The following DLG2 variants were observed in gnomAD, a reference collection of about 807,000 sequenced individuals.
DLG2 encodes disks large homolog 2.
DLG2 carries 45 observed loss-of-function variants against 132.5 expected under a neutral mutation model. That is an observed-to-expected ratio of 0.34 (90% CI 0.27 to 0.44). The LOEUF (loss-of-function observed/expected upper bound fraction) is 0.44, where lower values mean the gene tolerates loss of function less well. Ranked by LOEUF, DLG2 falls within the 20% of genes least tolerant of loss-of-function variation. The pLI is 1.00. For synonymous variants in DLG2, 424 were observed against 419.6 expected, an observed-to-expected ratio of 1.01 and a Z score of -0.13; for missense variants, 1,045 against 1,196.9, an observed-to-expected ratio of 0.87 and a Z score of 1.87.
At chr11:83,587,722 T>G (rs1216801400) in intron 19 of DLG2, among the ~76,000 whole-genome samples, 3 of 152,300 alleles carry the variant, frequency 2.0e-5, no homozygotes, top group Admixed American at 6.5e-5. Flanking sequence ...CATTTCCATC[T>G]GAGGTACCGG....
At chr11:83,861,279 G>A (rs1293512521) in intron 16 of DLG2, among the ~76,000 whole-genome samples, 1 of 152,140 alleles carries the variant, frequency 6.6e-6, no homozygotes, top group Non-Finnish European at 1.5e-5. Flanking sequence ...CATTGTTGGT[G>A]GGAATGTAAA....
intron 6 of DLG2, among the ~76,000 whole-genome samples, chr11:84,594,065 T>C (rs886784373): frequency 1.3e-5 from 2 of 152,266 alleles, no homozygotes; most frequent in East Asian, 1.9e-4. Context: ...GTGCAAATAA[T>C]GATGTATCTT....
At chr11:83,504,269 GT>G (rs2094585885) in intron 21 of DLG2, among the ~76,000 whole-genome samples, 1 of 152,050 alleles carries the variant, frequency 6.6e-6, no homozygotes, top group East Asian at 1.9e-4. Flanking sequence ...GCAGGTCATG[GT>G]TTTTTTCCTG....
intron 11 of DLG2, among the ~76,000 whole-genome samples, chr11:84,045,229 G>A (rs577953714): frequency 1.3e-4 from 19 of 151,582 alleles, no homozygotes; most frequent in African/African-American, 4.1e-4. Flanking sequence ...ATCTATATGT[G>A]CTGGGTAACA....
At chr11:85,157,121 A>G (rs1259911142) in intron 4 of DLG2, among the ~76,000 whole-genome samples, 1 of 152,184 alleles carries the variant, frequency 6.6e-6, no homozygotes, top group Non-Finnish European at 1.5e-5. Flanking sequence ...CTCCCAGCCT[A>G]CATCCTTCTC....
chr11:84,170,302 C>T (rs2095791459), intron 8 of DLG2, among the ~76,000 whole-genome samples: 1 of 152,118 alleles, frequency 6.6e-6, no homozygotes, highest in African/African-American at 2.4e-5. Context: ...AACTTAAATA[C>T]TGAATAAATT....
intron 6 of DLG2, among the ~76,000 whole-genome samples, chr11:84,942,763 C>G (rs1444833009): frequency 2.0e-5 from 3 of 152,078 alleles, no homozygotes; most frequent in Non-Finnish European, 4.4e-5. Context: ...CAGATTGAGT[C>G]TGATTTTTCC....
At chr11:84,032,083 T>C (rs1469023655) in intron 11 of DLG2, among the ~76,000 whole-genome samples, 1 of 152,154 alleles carries the variant, frequency 6.6e-6, no homozygotes, top group African/African-American at 2.4e-5. Context: ...TCGCTCCCTC[T>C]TCTTGGGCTT....
At chr11:84,548,551 G>A (rs929481073) in intron 6 of DLG2, among the ~76,000 whole-genome samples, 4 of 151,766 alleles carry the variant, frequency 2.6e-5, no homozygotes, top group East Asian at 1.9e-4. Flanking sequence ...TTGTCCTTGC[G>A]ATAGTTTGCT....
chr11:84,566,944 C>T (rs978772969), intron 6 of DLG2, among the ~76,000 whole-genome samples: 1 of 152,150 alleles, frequency 6.6e-6, no homozygotes, highest in Non-Finnish European at 1.5e-5. Flanking sequence ...CAATGCAAAA[C>T]ACAGCTGGTG....
At chr11:83,703,331 C>T (rs183459405) in intron 18 of DLG2, among the ~76,000 whole-genome samples, 55 of 152,164 alleles carry the variant, frequency 3.6e-4, no homozygotes, top group Admixed American at 3.5e-3. Flanking sequence ...TAATGCCAAG[C>T]ATTAATGGAA....
intron 20 of DLG2, among the ~76,000 whole-genome samples, chr11:83,534,624 C>T (rs1384744302): frequency 6.6e-6 from 1 of 152,098 alleles, no homozygotes; most frequent in Admixed American, 6.5e-5. Context: ...AATTTTTCAA[C>T]TCTAACGTAA....
intron 6 of DLG2, among the ~76,000 whole-genome samples, chr11:84,792,836 T>A (rs2153942384): frequency 6.6e-6 from 1 of 152,258 alleles, no homozygotes; most frequent in African/African-American, 2.4e-5. Context: ...GATAAAGGTT[T>A]GTTAATTGCA....
intron 6 of DLG2, among the ~76,000 whole-genome samples, chr11:85,017,663 T>C (rs973058273): frequency 8.5e-5 from 13 of 152,144 alleles, no homozygotes; most frequent in East Asian, 3.9e-4. Flanking sequence ...ACTATTCCAG[T>C]ATGAGAAAAG....
intron 6 of DLG2, among the ~76,000 whole-genome samples, chr11:84,619,988 A>G (rs189284539): frequency 1.2e-3 from 182 of 151,882 alleles, no homozygotes; most frequent in African/African-American, 4.3e-3. Flanking sequence ...ACCTAAACAA[A>G]GACACACCTG....
intron 3 of DLG2, among the ~76,000 whole-genome samples, chr11:85,296,574 G>T (rs1356895612): frequency 1.4e-5 from 2 of 147,368 alleles, no homozygotes; most frequent in African/African-American, 5.0e-5. Flanking sequence ...AATACCAAAA[G>T]CTTAGTCCCC....
At chr11:85,623,841 T>C (rs1483947140) in intron 2 of DLG2, among the ~76,000 whole-genome samples, 1 of 152,214 alleles carries the variant, frequency 6.6e-6, no homozygotes, top group East Asian at 1.9e-4. Flanking sequence ...GTTAACACAG[T>C]AGGAAATCAT....
chr11:84,363,951 C>T (rs1357527354), intron 7 of DLG2, among the ~76,000 whole-genome samples: 2 of 152,092 alleles, frequency 1.3e-5, no homozygotes, highest in Non-Finnish European at 2.9e-5. Context: ...CATGATGCCT[C>T]CAGCTTTGTT....
chr11:85,516,300 C>CT (rs2094167081), intron 3 of DLG2, among the ~76,000 whole-genome samples: 1 of 151,826 alleles, frequency 6.6e-6, no homozygotes, highest in South Asian at 2.1e-4. Context: ...TAGGAAAAGA[C>CT]TAAGAGGGAA....
Sources: gnomAD v4.1 joint callset for allele counts (sites outside exome capture counted in the v4.1 genomes callset) on GRCh38, gnomAD v4.1.1 for gene constraint, MANE v1.5 for transcripts, NCBI Gene and HGNC (gene_info 2026-07-23, HGNC 2026-07-21) for gene names.